SDK1: variants seen among roughly 807,000 people sequenced by gnomAD.
SDK1 encodes sidekick cell adhesion molecule 1.
Under a neutral mutation model 245.5 loss-of-function variants are expected in SDK1, and 157 were observed. That is an observed-to-expected ratio of 0.64 (90% CI 0.56 to 0.73). The LOEUF is 0.73. SDK1 is among the 30% of genes least tolerant of loss of function. SDK1 has a pLI of 0.00. For synonymous variants in SDK1, 1,647 were observed against 1,278.5 expected (o/e 1.29, Z -6.15); for missense variants, 3,583 against 3,002.3 (o/e 1.19, Z -4.52).
intron 2 of SDK1, among the ~76,000 whole-genome samples, chr7:3,626,214 A>G (rs1782117779): frequency 6.6e-6 from 1 of 152,066 alleles, no homozygotes; most frequent in South Asian, 2.1e-4. Flanking sequence ...TGCTGAGGTT[A>G]CAGGTGTGAG....
intron 35 of SDK1, among the ~76,000 whole-genome samples, chr7:4,183,046 TG>T (rs1169776372): frequency 6.6e-6 from 1 of 151,878 alleles, no homozygotes; most frequent in Admixed American, 6.6e-5. Context: ...TTGGTGGGCG[TG>T]GGGGCTAGGG....
intron 4 of SDK1, among the ~76,000 whole-genome samples, chr7:3,741,624 T>C (rs1779476525): frequency 2.0e-5 from 3 of 152,198 alleles, no homozygotes; most frequent in Admixed American, 6.5e-5. Context: ...TTTATGTAAA[T>C]TGCATAAAGC....
intron 40 of SDK1, among the ~76,000 whole-genome samples, chr7:4,231,142 C>G (rs1490159499): frequency 2.0e-5 from 3 of 152,192 alleles, no homozygotes; most frequent in Non-Finnish European, 4.4e-5. Flanking sequence ...AAACTACATA[C>G]AGCCAGCAAT....
intron 1 of SDK1, among the ~76,000 whole-genome samples, chr7:3,442,773 G>A (rs1175068199): frequency 1.3e-5 from 2 of 152,100 alleles, no homozygotes; most frequent in Admixed American, 1.3e-4. Flanking sequence ...CCTTTTGTGT[G>A]TTCTTGTTGC....
chr7:3,820,645 T>A (rs557280675), intron 4 of SDK1, among the ~76,000 whole-genome samples: 2 of 152,344 alleles, frequency 1.3e-5, no homozygotes, highest in Non-Finnish European at 2.9e-5. Context: ...ATGGTATGAT[T>A]GGATGAGTAT....
chr7:3,953,538 CATT>C (rs1780997412), intron 7 of SDK1, among the ~76,000 whole-genome samples: 1 of 152,212 alleles, frequency 6.6e-6, no homozygotes, highest in African/African-American at 2.4e-5. Flanking sequence ...GAGCACAGCA[CATT>C]ATAGATTCAG....
At position 3,622,923 on chromosome 7, in the gene SDK1, C is replaced by G. The variant is rs114638488; in HGVS notation, c.458+3684C>G. ...TTTTTTTTTTCCCCATGATATAAAA[C>G]CTGTCTAAAAATCTCATACTATTTT... On this transcript the variant is annotated intron_variant, in intron 2 of 44. Transcript: ENST00000404826. Among the ~76,000 whole-genome samples, 192 of 151,938 alleles carry G rather than the reference C, an allele frequency of 1.3e-3. 4 individuals are homozygous for G. The highest frequency in any genetic ancestry group is 4.5e-3 in the African/African-American group (185 of 41,452).
At chr7:3,869,072 G>A (rs529331697) in intron 5 of SDK1, among the ~76,000 whole-genome samples, 21 of 151,614 alleles carry the variant, frequency 1.4e-4, no homozygotes, top group Non-Finnish European at 3.1e-4. Context: ...GCTGCAAAGC[G>A]TTGTCAATTG....
At chr7:3,303,646 A>G (rs1371214259) in intron 1 of SDK1, among the ~76,000 whole-genome samples, 1 of 152,242 alleles carries the variant, frequency 6.6e-6, no homozygotes, top group Non-Finnish European at 1.5e-5. Context: ...GGCTTATGAA[A>G]GTGTACAGAT....
chr7:3,695,766 TAAAC>T (rs773563213), intron 4 of SDK1, among the ~76,000 whole-genome samples: 1 of 152,144 alleles, frequency 6.6e-6, no homozygotes, highest in Non-Finnish European at 1.5e-5. Flanking sequence ...TCTTCAGAAG[TAAAC>T]AGAGAAGGCA....
intron 1 of SDK1, among the ~76,000 whole-genome samples, chr7:3,551,864 T>G (rs1274075805): frequency 1.3e-5 from 2 of 152,110 alleles, no homozygotes; most frequent in Non-Finnish European, 2.9e-5. Flanking sequence ...GTTGTTGTTT[T>G]TAAGGAACAA....
intron 1 of SDK1, among the ~76,000 whole-genome samples, chr7:3,612,431 C>T (rs1195074295): frequency 3.3e-5 from 5 of 152,064 alleles, no homozygotes; most frequent in Non-Finnish European, 7.4e-5. Flanking sequence ...AAGCACATTG[C>T]ACTGTGAGAT....
chr7:3,632,047 A>G (rs997549181), intron 2 of SDK1, among the ~76,000 whole-genome samples: 1 of 152,188 alleles, frequency 6.6e-6, no homozygotes, highest in African/African-American at 2.4e-5. Flanking sequence ...TTATGTTCAT[A>G]GAGAACCTGG....
intron 4 of SDK1, among the ~76,000 whole-genome samples, chr7:3,684,923 G>T (rs1360509730): frequency 1.3e-5 from 2 of 152,246 alleles, no homozygotes; most frequent in African/African-American, 4.8e-5. Flanking sequence ...GACAGGTCAA[G>T]AATGTAGCCA....
rs771483972 is a variant in SDK1, at chr7:3,969,315, G to A, written c.1605G>A (p.Ser535=). The change falls in exon 11 of 45, where the codon TCG becomes TCA. Residue 535 remains serine (S), a synonymous_variant. Transcript: ENST00000404826. ...TTCCTAGGTTCATGCTTCTTGAATC[G>A]GGGGGTCTACAGATCGCGCCCGTCT... ...VRIPRFMLLE[S]GGLQIAPVFI... 1.1e-5 allele frequency: 17 copies of A among 1,608,918 alleles called. No individual in the cohort carries two copies. The East Asian group carries it at 2.0e-4, about 19-fold the overall frequency.
intron 35 of SDK1, among the ~76,000 whole-genome samples, chr7:4,198,595 A>T (rs1213875797): frequency 6.6e-6 from 1 of 152,194 alleles, no homozygotes; most frequent in Admixed American, 6.5e-5. Flanking sequence ...CTTTTGCCAT[A>T]GAAGGTGGAG....
chr7:4,251,706 A>C (rs1044233640), intron 44 of SDK1, among the ~76,000 whole-genome samples: 1 of 152,242 alleles, frequency 6.6e-6, no homozygotes, highest in East Asian at 1.9e-4. Context: ...CATTTTATCA[A>C]TGAAAGGAAC....
intron 1 of SDK1, among the ~76,000 whole-genome samples, chr7:3,391,537 C>G (rs1046160496): frequency 5.3e-5 from 8 of 151,696 alleles, no homozygotes; most frequent in Admixed American, 1.3e-4. Context: ...TTATTATACC[C>G]AAAATATGTT....
chr7:3,913,723 T>C (rs1452955108), intron 5 of SDK1, among the ~76,000 whole-genome samples: 5 of 152,318 alleles, frequency 3.3e-5, no homozygotes, highest in African/African-American at 4.8e-5. Context: ...AGTGGTTTAT[T>C]GACATCCATC....
Sources: allele counts gnomAD v4.1 joint callset (sites outside exome capture counted in the v4.1 genomes callset), GRCh38; gene constraint gnomAD v4.1.1; transcripts MANE v1.5; gene names NCBI Gene and HGNC (gene_info 2026-07-23, HGNC 2026-07-21).